RBFOX1: variants seen among roughly 807,000 people sequenced by gnomAD.
The protein encoded by RBFOX1 is RNA binding fox-1 homolog 1, also known as RNA binding protein fox-1 homolog 1.
RBFOX1 carries 8 observed loss-of-function variants against 57.7 expected under a neutral mutation model. That is an observed-to-expected ratio of 0.14 (90% CI 0.08 to 0.25). RBFOX1 has a LOEUF of 0.25. Ranked by LOEUF, RBFOX1 falls within the 10% of genes least tolerant of loss-of-function variation. The pLI is 1.00. For missense variants in RBFOX1, 611 were observed against 548.5 expected (o/e 1.11, Z -1.14); for synonymous variants, 326 against 222.4 (o/e 1.47, Z -4.15).
chr16:5,985,098 GTC>G (rs982689832), intron 4 of RBFOX1, among the ~76,000 whole-genome samples: 4 of 148,908 alleles, frequency 2.7e-5, no homozygotes, highest in Admixed American at 2.7e-4. Context: ...CCATTCTCCT[GTC>G]TCAGCCTCCT....
chr16:5,612,095 CCATTCATT>C (rs142612268), intron 3 of RBFOX1, among the ~76,000 whole-genome samples: 1 of 150,582 alleles, frequency 6.6e-6, no homozygotes, highest in African/African-American at 2.4e-5. Context: ...CCCATCCATC[CCATTCATT>C]CATTCATTCA....
chr16:5,891,502 A>C (rs750997618), intron 4 of RBFOX1, among the ~76,000 whole-genome samples: 3 of 152,232 alleles, frequency 2.0e-5, no homozygotes, highest in Non-Finnish European at 4.4e-5. Flanking sequence ...TGTTTCAGTC[A>C]GAGTATTTGC....
intron 1 of RBFOX1, among the ~76,000 whole-genome samples, chr16:6,136,201 T>C (rs1364420258): frequency 6.6e-6 from 1 of 152,092 alleles, no homozygotes; most frequent in Admixed American, 6.6e-5. Context: ...GACCTGGAGA[T>C]TCGGAGGCGA....
intron 2 of RBFOX1, among the ~76,000 whole-genome samples, chr16:6,646,817 A>T (rs2098538258): frequency 6.6e-6 from 1 of 152,096 alleles, no homozygotes. Flanking sequence ...AGTTTTTAGT[A>T]AGAGTGAGGG....
intron 3 of RBFOX1, among the ~76,000 whole-genome samples, chr16:5,802,108 A>G (rs2055078202): frequency 1.3e-5 from 2 of 152,092 alleles, no homozygotes. Flanking sequence ...TCTCTGGAGT[A>G]GTGTATAAGC....
rs904264748 is a variant in RBFOX1, at chr16:7,067,018, G to A, written c.27+14920G>A. Among the ~76,000 whole-genome samples the A allele has an allele frequency of 5.9e-5, 9 of 152,220 alleles. No homozygotes were observed. The South Asian group carries it at 6.2e-4, about 11-fold the overall frequency. On this transcript the variant is annotated intron_variant, in intron 4 of 15. Transcript: ENST00000550418. ...CTCCTAACAAACAGTAACAGATTAT[G>A]CACACAGAGCATCTACTGTAAGTAA...
intron 3 of RBFOX1, among the ~76,000 whole-genome samples, chr16:6,687,896 A>G (rs2059670989): frequency 1.3e-5 from 2 of 152,224 alleles, no homozygotes; most frequent in African/African-American, 4.8e-5. Context: ...CAGTGAATGC[A>G]TGTTATTTCT....
At chr16:6,307,878 A>G (rs763831750) in intron 1 of RBFOX1, among the ~76,000 whole-genome samples, 2 of 142,888 alleles carry the variant, frequency 1.4e-5, no homozygotes, top group Admixed American at 7.1e-5. Flanking sequence ...ATGATAATTT[A>G]TATTATTTAT....
At chr16:7,537,405 C>T (rs199967846) in intron 5 of RBFOX1, among the ~76,000 whole-genome samples, 2 of 152,168 alleles carry the variant, frequency 1.3e-5, no homozygotes, top group South Asian at 2.1e-4. Context: ...GCTCTCTTTA[C>T]AGTGAGGAAA....
intron 1 of RBFOX1, among the ~76,000 whole-genome samples, chr16:6,211,227 A>ATTTTTTTT (rs140569689): frequency 9.5e-6 from 1 of 105,250 alleles, no homozygotes; most frequent in South Asian, 3.2e-4. Flanking sequence ...AATCTAGTTA[A>ATTTTTTTT]CTTTTTTTTT....
At chr16:6,641,449 C>T (rs73544110) in intron 2 of RBFOX1, among the ~76,000 whole-genome samples, 1 of 151,974 alleles carries the variant, frequency 6.6e-6, no homozygotes, top group Non-Finnish European at 1.5e-5. Flanking sequence ...AATTTTTGCC[C>T]TGACGCCGGG....
chr16:6,271,387 C>CTGG (rs2075197478), intron 1 of RBFOX1, among the ~76,000 whole-genome samples: 1 of 151,908 alleles, frequency 6.6e-6, no homozygotes, highest in Non-Finnish European at 1.5e-5. Flanking sequence ...GTGACCACTG[C>CTGG]ACTTCAGCTG....
intron 4 of RBFOX1, among the ~76,000 whole-genome samples, chr16:7,511,738 C>G (rs1186269529): frequency 6.6e-6 from 1 of 152,076 alleles, no homozygotes; most frequent in East Asian, 1.9e-4. Flanking sequence ...TTTCCATCAT[C>G]CTGCTGTCGT....
intron 1 of RBFOX1, among the ~76,000 whole-genome samples, chr16:5,391,598 T>C (rs1445347889): frequency 6.6e-6 from 1 of 152,134 alleles, no homozygotes; most frequent in Non-Finnish European, 1.5e-5. Context: ...GAAATCAAGC[T>C]ATCTCCAGAG....
At chr16:5,939,484 A>G (rs1261214737) in intron 4 of RBFOX1, among the ~76,000 whole-genome samples, 1 of 152,160 alleles carries the variant, frequency 6.6e-6, no homozygotes, top group African/African-American at 2.4e-5. Flanking sequence ...GTTTCTTGTC[A>G]TGGAGGACCT....
intron 3 of RBFOX1, among the ~76,000 whole-genome samples, chr16:6,868,796 G>A (rs1372228398): frequency 2.0e-5 from 3 of 152,102 alleles, no homozygotes; most frequent in Non-Finnish European, 4.4e-5. Context: ...TAGGTAATAA[G>A]GTTGCATCTT....
intron 4 of RBFOX1, among the ~76,000 whole-genome samples, chr16:7,436,951 C>A (rs182524131): frequency 6.6e-6 from 1 of 152,174 alleles, no homozygotes; most frequent in African/African-American, 2.4e-5. Flanking sequence ...CATGGTGATA[C>A]GCGCCTGTAA....
intron 3 of RBFOX1, among the ~76,000 whole-genome samples, chr16:6,794,956 C>G (rs2083676930): frequency 1.3e-5 from 2 of 152,094 alleles, no homozygotes; most frequent in African/African-American, 2.4e-5. Flanking sequence ...GTAATTTTCC[C>G]TAAATCACCA....
intron 1 of RBFOX1, among the ~76,000 whole-genome samples, chr16:5,310,070 C>T (rs911011550): frequency 6.6e-6 from 1 of 152,156 alleles, no homozygotes; most frequent in Non-Finnish European, 1.5e-5. Context: ...TCTAATGTTA[C>T]CTCCTTCCCA....
Sources: gnomAD v4.1 joint callset for allele counts (sites outside exome capture counted in the v4.1 genomes callset) on GRCh38, gnomAD v4.1.1 for gene constraint, MANE v1.5 for transcripts, NCBI Gene and HGNC (gene_info 2026-07-23, HGNC 2026-07-21) for gene names.